RBM25: variants seen among roughly 807,000 people sequenced by gnomAD.
The protein encoded by RBM25 is RNA-binding protein 25.
A neutral mutation model predicts 120.7 loss-of-function variants in RBM25; 19 were observed. That is an observed-to-expected ratio of 0.16 (90% CI 0.11 to 0.23). The LOEUF (loss-of-function observed/expected upper bound fraction) is 0.23, where lower values mean the gene tolerates loss of function less well. Among genes scored for constraint, RBM25 ranks in the 10% least tolerant of loss-of-function variants. The probability of loss-of-function intolerance (pLI) is 1.00; values close to 1 mark genes in which losing one functional copy is unlikely to be tolerated. For synonymous variants in RBM25, 390 were observed against 326.7 expected, an observed-to-expected ratio of 1.19 and a Z score of -2.09; for missense variants, 605 against 1,041.5, an observed-to-expected ratio of 0.58 and a Z score of 5.77.
In RBM25 at chr14:73,067,961, A is replaced by T. The variant is rs1052513168; in HGVS notation, c.-15-3666A>T. On this transcript the variant is annotated intron_variant, in intron 1 of 18. Coordinates refer to ENST00000261973, the MANE Select transcript of RBM25 (RefSeq NM_021239.3). ...ATTAAGATTTTGAATCTCTTTGGAT[A>T]TTTATTAGGCTTCAAAGATCTTGAT... The T allele has an allele frequency of 1.8e-4, 40 of 227,768 alleles. No individual in the cohort carries two copies. In the East Asian group the frequency reaches 3.6e-3, roughly 21 times the overall value. 14.1% of individuals were successfully genotyped at this position (227,768 alleles called of 1,614,324 possible). A position where few individuals can be genotyped will look rare whatever the true frequency, so the allele number is the denominator to read the frequency against.
intron 9 of RBM25, 194 bp downstream of exon 9, chr14:73,099,944 T>C (rs1896025714): frequency 4.9e-6 from 4 of 817,002 alleles, no homozygotes; most frequent in Admixed American, 7.5e-5. Flanking sequence ...TTGTGCTTAG[T>C]TTTTTCAGTT....
intron 2 of RBM25, among the ~76,000 whole-genome samples, 179 bp downstream of exon 2, chr14:73,071,926 ACTCAT>A (rs546541575): frequency 6.1e-4 from 93 of 151,936 alleles, no homozygotes; most frequent in African/African-American, 2.0e-3. Context: ...TGAGTATCAA[ACTCAT>A]CTGGAAATTT....
At chr14:73,062,817 G>A (rs1895034939) in intron 1 of RBM25, among the ~76,000 whole-genome samples, 1 of 151,120 alleles carries the variant, frequency 6.6e-6, no homozygotes, top group Non-Finnish European at 1.5e-5. Context: ...TCTATCATAG[G>A]TTTCTGTTAT....
In RBM25 at chr14:73,105,793, CCTTTA is replaced by C. The variant is rs1415495058; in HGVS notation, c.1155-61_1155-57del. ...ATTATTTCATAATGTATGTTGTCCT[CCTTTA>C]CTTTGGTCTTGAAAACAGAAAGTAG... On this transcript the variant is annotated intron_variant, in intron 10 of 18. Coordinates refer to ENST00000261973, the MANE Select transcript of RBM25 (RefSeq NM_021239.3). 40 of 1,576,322 alleles carry C rather than the reference CCTTTA, an allele frequency of 2.5e-5. 1 individual carries two copies. The African/African-American group carries it at 5.5e-4, about 22-fold the overall frequency.
At chr14:73,075,333 A>G (rs546392334) in intron 2 of RBM25, among the ~76,000 whole-genome samples, 4 of 151,796 alleles carry the variant, frequency 2.6e-5, no homozygotes, top group East Asian at 3.9e-4. Flanking sequence ...TAATTTTTGT[A>G]TTTTTAGTAG....
chr14:73,072,080 C>T (rs1199466003), intron 2 of RBM25, among the ~76,000 whole-genome samples: 1 of 151,904 alleles, frequency 6.6e-6, no homozygotes, highest in Non-Finnish European at 1.5e-5. Flanking sequence ...TCAAGCAGTT[C>T]TCTGCCTCAG....
intron 6 of RBM25, among the ~76,000 whole-genome samples, chr14:73,094,358 C>A (rs1212710168): frequency 2.6e-5 from 4 of 151,796 alleles, no homozygotes; most frequent in African/African-American, 9.7e-5. Context: ...TTAGTTAATT[C>A]CAAATGCTTT....
At chr14:73,104,636 G>C (rs1482990229) in intron 10 of RBM25, among the ~76,000 whole-genome samples, 2 of 152,028 alleles carry the variant, frequency 1.3e-5, no homozygotes, top group Non-Finnish European at 2.9e-5. Context: ...CAAAGTGCTG[G>C]GATTACAGGC....
intron 13 of RBM25, 109 bp from the exon 14 acceptor site, chr14:73,109,233 C>T (rs1896254571): frequency 1.7e-6 from 2 of 1,182,828 alleles, no homozygotes. Context: ...ATTCTTTAAC[C>T]TCTTAGCATG....
At chr14:73,074,173 C>T (rs1895357812) in intron 2 of RBM25, among the ~76,000 whole-genome samples, 1 of 152,074 alleles carries the variant, frequency 6.6e-6, no homozygotes, top group East Asian at 1.9e-4. Flanking sequence ...TCCTGATTTT[C>T]TTCATATATT....
intron 1 of RBM25, among the ~76,000 whole-genome samples, chr14:73,061,060 T>G (rs201485968): frequency 6.6e-6 from 1 of 150,788 alleles, no homozygotes; most frequent in African/African-American, 2.4e-5. Flanking sequence ...GTACTTTTTT[T>G]TTTTTTTCCT....
chr14:73,095,884 G>A (rs537825079), intron 6 of RBM25, among the ~76,000 whole-genome samples: 1 of 152,258 alleles, frequency 6.6e-6, no homozygotes, highest in Non-Finnish European at 1.5e-5. Context: ...TAAAAACTTT[G>A]GGGCATGCAC....
intron 18 of RBM25, among the ~76,000 whole-genome samples, chr14:73,114,655 G>A (rs970869161): frequency 1.3e-5 from 2 of 152,162 alleles, no homozygotes; most frequent in African/African-American, 4.8e-5. Flanking sequence ...CCAGTACTTG[G>A]GAGGCTGAGG....
In RBM25 at chr14:73,077,349, A is replaced by G. The variant is rs762715099; in HGVS notation, c.157-20A>G. On this transcript the variant is annotated intron_variant, in intron 3 of 18. Coordinates refer to ENST00000261973, the MANE Select transcript of RBM25 (RefSeq NM_021239.3). ...AAATTTAATTGCTGGATCAATTTTT[A>G]TTTTGTTTCTTCACCTTAGGTCTTA... 2 of 1,570,338 alleles carry G rather than the reference A, an allele frequency of 1.3e-6. No individual in the cohort carries two copies. Among genetic ancestry groups the G allele is most frequent in the East Asian group, 2.2e-5 (1 of 44,552 alleles).
chr14:73,078,337 A>T (rs1399895902), intron 4 of RBM25, among the ~76,000 whole-genome samples: 2 of 147,348 alleles, frequency 1.4e-5, no homozygotes, highest in African/African-American at 5.3e-5. Flanking sequence ...AAATAAAAAT[A>T]AAAAAAAAGC....
chr14:73,094,005 G>T (rs1248975787), intron 6 of RBM25, among the ~76,000 whole-genome samples: 1 of 144,492 alleles, frequency 6.9e-6, no homozygotes, highest in African/African-American at 2.6e-5. Flanking sequence ...AGGCTGGAGT[G>T]CAGTGGCGCG....
intron 1 of RBM25, among the ~76,000 whole-genome samples, chr14:73,065,290 A>C (rs963785484): frequency 1.3e-5 from 2 of 151,882 alleles, no homozygotes; most frequent in African/African-American, 4.8e-5. Flanking sequence ...CACCACACCC[A>C]GCTAGTTTTT....
intron 1 of RBM25, among the ~76,000 whole-genome samples, chr14:73,067,848 T>G (rs971895972): frequency 2.0e-5 from 3 of 151,854 alleles, no homozygotes; most frequent in Non-Finnish European, 2.9e-5. Context: ...ATCCACCCGC[T>G]TCGGCCTCCC....
chr14:73,076,975 G>A (rs1319228227), intron 3 of RBM25, among the ~76,000 whole-genome samples: 1 of 152,206 alleles, frequency 6.6e-6, no homozygotes, highest in Non-Finnish European at 1.5e-5. Flanking sequence ...CAGCTACTCG[G>A]GAGGCCGAGG....
Sources: allele counts gnomAD v4.1 joint callset (sites outside exome capture counted in the v4.1 genomes callset), GRCh38; gene constraint gnomAD v4.1.1; transcripts MANE v1.5; gene names NCBI Gene and HGNC (gene_info 2026-07-23, HGNC 2026-07-21).